The following CSF2RA variants were observed in gnomAD, a reference collection of about 807,000 sequenced individuals.
The protein encoded by CSF2RA is colony stimulating factor 2 receptor subunit alpha.
Under a neutral mutation model 51.6 loss-of-function variants are expected in CSF2RA, and 42 were observed. The ratio of observed to expected loss-of-function variants is 0.81; its 90% CI spans 0.64 to 1.05. The LOEUF (loss-of-function observed/expected upper bound fraction) is 1.05. Ranked by LOEUF, CSF2RA falls within the 50% of genes least tolerant of loss-of-function variation. The pLI, the probability that CSF2RA is intolerant of heterozygous loss-of-function variation, is 0.00. For missense variants in CSF2RA, 530 were observed against 501.1 expected (o/e 1.06, Z -0.55); for synonymous variants, 222 against 193.0 (o/e 1.15, Z -1.24).
intron 7 of CSF2RA, among the ~76,000 whole-genome samples, chrX:1,292,596 G>C (rs2091506581): frequency 6.6e-6 from 1 of 152,104 alleles, no homozygotes; most frequent in Admixed American, 6.6e-5. Flanking sequence ...TACTATGCCT[G>C]GATGCACACG....
At chrX:1,320,023 G>T in the CSF2RA span, among the ~76,000 whole-genome samples, 3 of 138,164 alleles carry the variant, frequency 2.2e-5, no homozygotes, top group Non-Finnish European at 5.0e-5. Context: ...AGCCTTCCGA[G>T]TAGCTGGGAC....
chrX:1,298,608 CTA>C (rs1212645217), intron 9 of CSF2RA, among the ~76,000 whole-genome samples: 6 of 48,032 alleles, frequency 1.2e-4, no homozygotes, highest in African/African-American at 4.4e-4. Flanking sequence ...CTACAGTCCC[CTA>C]CTCACGACCC....
At chrX:1,318,670 C>T in the CSF2RA span, among the ~76,000 whole-genome samples, 1 of 151,518 alleles carries the variant, frequency 6.6e-6, no homozygotes, top group Non-Finnish European at 1.5e-5. Context: ...GTAATCCCAA[C>T]ACTTTGGGAG....
chrX:1,282,540 C>T (rs2090173193), intron 2 of CSF2RA, 138 bp from the exon 3 acceptor site: 8 of 745,924 alleles, frequency 1.1e-5, no homozygotes, highest in South Asian at 7.2e-5. Context: ...CCCAGCTGGC[C>T]ATGACCCCTC....
At chrX:1,269,632 AAAAAG>A (rs1415234283) in intron 1 of CSF2RA, among the ~76,000 whole-genome samples, 8,539 of 49,090 alleles carry the variant, frequency 0.17, 449 homozygotes, top group East Asian at 0.49. Flanking sequence ...CAAAAAAAAG[AAAAAG>A]AAAAAAAAAG....
intron 10 of CSF2RA, chrX:1,302,914 C>T (rs1191010080): frequency 1.9e-5 from 5 of 258,472 alleles, no homozygotes; most frequent in Non-Finnish European, 3.5e-5. Flanking sequence ...CTCTGTCACC[C>T]AGGCTGGAGT....
chrX:1,283,677 C>T (rs185441980), intron 3 of CSF2RA, among the ~76,000 whole-genome samples: 2,024 of 151,920 alleles, frequency 0.013, 14 homozygotes, highest in Non-Finnish European at 0.021. Flanking sequence ...AAGCGATTCT[C>T]CTGCCTCAGC....
Position 1,282,423 on chromosome X carries a change from G to C in CSF2RA, c.-26-255G>C, listed in dbSNP as rs189841486. On this transcript the variant is annotated intron_variant, in intron 2 of 12. Transcript: ENST00000381529. Reference sequence around the variant, plus strand: ...CCCTCATGAAGGTCAGCTGAGCCATGACCCATGAACCATGGAAGCTTGACT... The same window carrying C: ...CCCTCATGAAGGTCAGCTGAGCCATCACCCATGAACCATGGAAGCTTGACT... 685 of 574,590 alleles carry C rather than the reference G, an allele frequency of 1.2e-3. 1 individual carries two copies. The highest frequency in any genetic ancestry group is 0.011 in the African/African-American group (576 of 53,466). 35.6% of individuals were successfully genotyped at this position (574,590 alleles called of 1,614,324 possible).
chrX:1,317,316 A>G, the CSF2RA span, among the ~76,000 whole-genome samples: 5 of 122,240 alleles, frequency 4.1e-5, no homozygotes, highest in Non-Finnish European at 6.4e-5. Context: ...CAGTGGTACA[A>G]TCTCAGGTCA....
intron 2 of CSF2RA, among the ~76,000 whole-genome samples, chrX:1,279,805 C>T (rs1485700801): frequency 5.3e-5 from 8 of 150,792 alleles, no homozygotes; most frequent in Admixed American, 6.6e-5. Flanking sequence ...TTTGCTTTTC[C>T]TTGAGACAGA....
chrX:1,312,936 C>T (rs1222064051), downstream of CSF2RA, among the ~76,000 whole-genome samples: 26 of 152,046 alleles, frequency 1.7e-4, no homozygotes, highest in Non-Finnish European at 3.5e-4. Context: ...TGGGGAGAAG[C>T]GTCTAAAACA....
intron 8 of CSF2RA, among the ~76,000 whole-genome samples, chrX:1,295,210 T>C (rs778363313): frequency 1.3e-4 from 12 of 94,460 alleles, no homozygotes; most frequent in African/African-American, 4.7e-4. Context: ...TCTGGATGGG[T>C]TACAGGAAGA....
chrX:1,277,693 G>A (rs73175789), intron 2 of CSF2RA, among the ~76,000 whole-genome samples: 19,512 of 150,340 alleles, frequency 0.13, 1,657 homozygotes, highest in East Asian at 0.34. Flanking sequence ...AGCTACTCCA[G>A]AGGCCGGGCG....
In CSF2RA at chrX:1,290,354, G is replaced by A. The variant is rs138964358; in HGVS notation, c.491G>A (p.Arg164Gln). The change falls in exon 7 of 13, where the codon CGG becomes CAG. Residue 164 changes from arginine to glutamine, a missense_variant. Arg to Gln is a conservative substitution (Grantham distance 43). Coordinates refer to ENST00000381529, the MANE Select transcript of CSF2RA (RefSeq NM_172245.4). Reference protein sequence around the residue: ...IRNSKRRREIRCPYYIQDSGT... With the variant: ...IRNSKRRREIQCPYYIQDSGT... ...TCTTTCAGGAGAAGGAGGGAGATCC[G>A]GTGTCCTTATTACATACAAGACTCA... The A allele has an allele frequency of 7.8e-3, 12,514 of 1,613,084 alleles. 71 individuals are homozygous for A. The highest frequency in any genetic ancestry group is 9.4e-3 in the Non-Finnish European group (11,134 of 1,179,294).
At chrX:1,321,805 G>T in the CSF2RA span, among the ~76,000 whole-genome samples, 16 of 152,068 alleles carry the variant, frequency 1.1e-4, no homozygotes, top group African/African-American at 3.6e-4. Flanking sequence ...TTGCCACACT[G>T]CTTATGATGC....
At chrX:1,288,977 T>C (rs1464203088) in intron 6 of CSF2RA, 89 bp downstream of exon 6, 1 of 1,565,578 alleles carries the variant, frequency 6.4e-7, no homozygotes, top group Non-Finnish European at 8.8e-7. Context: ...TTTTTCTTTT[T>C]TTAAGACATG....
the CSF2RA span, among the ~76,000 whole-genome samples, chrX:1,315,650 C>T: frequency 6.6e-6 from 1 of 152,116 alleles, no homozygotes; most frequent in Admixed American, 6.6e-5. Flanking sequence ...AGTGATCTGC[C>T]CGCCTCAGCC....
downstream of CSF2RA, among the ~76,000 whole-genome samples, chrX:1,310,905 T>G (rs1165439118): frequency 1.3e-5 from 2 of 151,922 alleles, no homozygotes; most frequent in African/African-American, 4.8e-5. Flanking sequence ...TTTCTTGTAG[T>G]AATGAGTGAG....
intron 7 of CSF2RA, among the ~76,000 whole-genome samples, chrX:1,292,173 A>ACC (rs1373837574): frequency 6.9e-6 from 1 of 145,348 alleles, no homozygotes; most frequent in African/African-American, 2.6e-5. Context: ...ACAGGAGGAG[A>ACC]CTGCACCACC....
Sources: allele counts gnomAD v4.1 joint callset (sites outside exome capture counted in the v4.1 genomes callset), GRCh38; gene constraint gnomAD v4.1.1; transcripts MANE v1.5; gene names NCBI Gene and HGNC (gene_info 2026-07-23, HGNC 2026-07-21).